Variants in MCU observed in about 807,000 individuals in gnomAD.
MCU encodes calcium uniporter protein, mitochondrial.
Under a neutral mutation model 45.2 loss-of-function variants are expected in MCU, and 12 were observed. That is an observed-to-expected ratio of 0.27 (90% CI 0.17 to 0.43). MCU has a LOEUF of 0.43. MCU is among the 20% of genes least tolerant of loss of function. MCU has a pLI of 1.00. For missense variants in MCU, 324 were observed against 436.7 expected (o/e 0.74, Z 2.30); for synonymous variants, 160 against 165.1 (o/e 0.97, Z 0.24).
chr10:72,715,634 A>G (rs75326818), intron 1 of MCU, among the ~76,000 whole-genome samples: 2,779 of 152,302 alleles, frequency 0.018, 63 homozygotes, highest in Middle Eastern at 0.044. Flanking sequence ...TAGGAAAGCC[A>G]ATTACCTTGG....
intron 1 of MCU, among the ~76,000 whole-genome samples, chr10:72,758,919 A>G (rs1843615704): frequency 6.6e-6 from 1 of 152,234 alleles, no homozygotes. Context: ...ACTTAGAATA[A>G]GGTTTGAAAA....
At chr10:72,783,324 C>T (rs1011842084) in intron 1 of MCU, among the ~76,000 whole-genome samples, 8 of 152,248 alleles carry the variant, frequency 5.3e-5, no homozygotes, top group Admixed American at 5.2e-4. Flanking sequence ...ATGTCCAAAA[C>T]AGTGTGATGC....
rs1475494397 is a variant in MCU, at chr10:72,855,673, A to G, written c.221-3504A>G. 2.6e-5 allele frequency among the ~76,000 whole-genome samples: 4 copies of G among 152,330 alleles called. No homozygotes were observed. In the East Asian group the frequency reaches 5.8e-4, roughly 22 times the overall value. ...AGATAGTAAATCTAAAAATGGCAAG[A>G]ATAGAGGAAAAGTAGAAGAAAGAAC... On this transcript the variant is annotated intron_variant, in intron 2 of 7. Coordinates refer to ENST00000373053, the MANE Select transcript of MCU (RefSeq NM_138357.3).
At chr10:72,847,272 T>C (rs1243011764) in intron 2 of MCU, among the ~76,000 whole-genome samples, 1 of 152,090 alleles carries the variant, frequency 6.6e-6, no homozygotes, top group Non-Finnish European at 1.5e-5. Flanking sequence ...ACCGCACCTG[T>C]CCTGTATAAT....
intron 1 of MCU, among the ~76,000 whole-genome samples, chr10:72,730,308 T>C (rs1304209570): frequency 8.0e-6 from 1 of 125,506 alleles, no homozygotes; most frequent in Non-Finnish European, 1.6e-5. Context: ...TTTCTTTTTC[T>C]TTTTTTTTTT....
intron 1 of MCU, among the ~76,000 whole-genome samples, chr10:72,700,993 C>T: frequency 6.6e-6 from 1 of 152,098 alleles, no homozygotes; most frequent in East Asian, 1.9e-4. Context: ...AAGTGTACTG[C>T]CTTGTAGGTA....
intron 1 of MCU, among the ~76,000 whole-genome samples, chr10:72,702,908 G>A (rs1387718336): frequency 6.6e-6 from 1 of 151,932 alleles, no homozygotes; most frequent in Non-Finnish European, 1.5e-5. Flanking sequence ...GAACCGGGAG[G>A]CAGAGGTTGC....
chr10:72,702,609 G>C (rs1842771783), intron 1 of MCU, among the ~76,000 whole-genome samples: 1 of 152,106 alleles, frequency 6.6e-6, no homozygotes, highest in South Asian at 2.1e-4. Context: ...TTTTTCTAAA[G>C]AATGTTCAGC....
chr10:72,718,947 C>CAGG (rs1842986423), intron 1 of MCU, among the ~76,000 whole-genome samples: 1 of 151,992 alleles, frequency 6.6e-6, no homozygotes, highest in Non-Finnish European at 1.5e-5. Flanking sequence ...TGTCAGAAGT[C>CAGG]AGGAGACTGA....
chr10:72,787,108 G>A (rs1255793261), intron 1 of MCU, among the ~76,000 whole-genome samples: 2 of 152,168 alleles, frequency 1.3e-5, no homozygotes, highest in Non-Finnish European at 2.9e-5. Flanking sequence ...AACAAAACAT[G>A]ATTTGAAAGA....
In MCU at chr10:72,838,159, C is replaced by G. The variant is rs530157417; in HGVS notation, c.220+3731C>G. 3.9e-5 allele frequency among the ~76,000 whole-genome samples: 6 copies of G among 152,230 alleles called. No individual in the cohort carries two copies. The East Asian group carries it at 1.2e-3, about 29-fold the overall frequency. On this transcript the variant is annotated intron_variant, in intron 2 of 7. Transcript: ENST00000373053. ...TACAGGTGTGAGCCACCGCGCCCGG[C>G]TGCCAAATACTTTTTAATAGTGTAG...
chr10:72,876,305 G>A (rs1279841694), intron 6 of MCU, among the ~76,000 whole-genome samples: 1 of 151,954 alleles, frequency 6.6e-6, no homozygotes, highest in African/African-American at 2.4e-5. Flanking sequence ...TAAGCTACTG[G>A]CATCTTTCCC....
intron 1 of MCU, among the ~76,000 whole-genome samples, chr10:72,822,839 CAA>C (rs552126064): frequency 2.3e-5 from 3 of 132,860 alleles, no homozygotes; most frequent in African/African-American, 5.6e-5. Context: ...GACCCTGTCT[CAA>C]AAAAAAAAAA....
At chr10:72,862,437 A>C (rs1159426009) in intron 4 of MCU, among the ~76,000 whole-genome samples, 1 of 152,046 alleles carries the variant, frequency 6.6e-6, no homozygotes, top group South Asian at 2.1e-4. Context: ...TGTTAAAGAT[A>C]ATTTTTCCAC....
chr10:72,763,869 G>T (rs1229620806), intron 1 of MCU, among the ~76,000 whole-genome samples: 1 of 152,104 alleles, frequency 6.6e-6, no homozygotes, highest in Non-Finnish European at 1.5e-5. Flanking sequence ...AATACAGAAA[G>T]AAAGCTATGA....
chr10:72,809,223 C>T (rs1258518822), intron 1 of MCU, among the ~76,000 whole-genome samples: 1 of 152,160 alleles, frequency 6.6e-6, no homozygotes, highest in Non-Finnish European at 1.5e-5. Flanking sequence ...CCTTTGTCAC[C>T]TCACAACATC....
chr10:72,778,899 A>G (rs577901688), intron 1 of MCU, among the ~76,000 whole-genome samples: 1 of 152,336 alleles, frequency 6.6e-6, no homozygotes, highest in African/African-American at 2.4e-5. Context: ...GCAAAGCAAC[A>G]GTAATGAAAA....
At chr10:72,828,442 A>G (rs1342845653) in intron 1 of MCU, among the ~76,000 whole-genome samples, 1 of 152,116 alleles carries the variant, frequency 6.6e-6, no homozygotes, top group African/African-American at 2.4e-5. Context: ...TAATAAGGAA[A>G]TAACTTTCCC....
At chr10:72,837,210 T>C (rs1362784487) in intron 2 of MCU, among the ~76,000 whole-genome samples, 1 of 151,850 alleles carries the variant, frequency 6.6e-6, no homozygotes, top group East Asian at 1.9e-4. Context: ...TTTTTTTTGG[T>C]ATCGTAAATA....
Sources: allele counts gnomAD v4.1 joint callset (sites outside exome capture counted in the v4.1 genomes callset), GRCh38; gene constraint gnomAD v4.1.1; transcripts MANE v1.5; gene names NCBI Gene and HGNC (gene_info 2026-07-23, HGNC 2026-07-21).